Variants in MACROD2 observed in about 807,000 individuals in gnomAD.
The protein encoded by MACROD2 is mono-ADP ribosylhydrolase 2.
MACROD2 carries 36 observed loss-of-function variants against 70.4 expected under a neutral mutation model. The observed-to-expected ratio is 0.51, with a 90% CI of 0.39 to 0.68. The LOEUF (loss-of-function observed/expected upper bound fraction) is 0.68, where lower values mean the gene tolerates loss of function less well. Ranked by LOEUF, MACROD2 falls within the 30% of genes least tolerant of loss-of-function variation. MACROD2 has a pLI of 0.00. For synonymous variants in MACROD2, 172 were observed against 178.8 expected (o/e 0.96, Z 0.30); for missense variants, 496 against 538.4 (o/e 0.92, Z 0.78).
chr20:14,432,765 A>G (rs1403206347), intron 3 of MACROD2, among the ~76,000 whole-genome samples: 1 of 152,046 alleles, frequency 6.6e-6, no homozygotes, highest in Admixed American at 6.6e-5. Context: ...AATTTCTGGA[A>G]TATTTCTGCA....
intron 5 of MACROD2, among the ~76,000 whole-genome samples, chr20:15,163,746 A>G (rs2076364042): frequency 6.6e-6 from 1 of 151,908 alleles, no homozygotes; most frequent in African/African-American, 2.4e-5. Context: ...AAGACAATGT[A>G]TGACAGAAAC....
chr20:15,107,364 TG>T (rs780922735), intron 5 of MACROD2, among the ~76,000 whole-genome samples: 8 of 151,542 alleles, frequency 5.3e-5, no homozygotes, highest in Non-Finnish European at 1.0e-4. Context: ...AATTAATAGT[TG>T]AAAAAAAAAA....
intron 5 of MACROD2, among the ~76,000 whole-genome samples, chr20:14,928,227 CA>C (rs1949772639): frequency 8.0e-6 from 1 of 124,862 alleles, no homozygotes; most frequent in African/African-American, 3.3e-5. Flanking sequence ...GGCTGCATGC[CA>C]ATGTCAGTGT....
In MACROD2 at chr20:15,363,566, T is replaced by A. The variant is rs546530191; in HGVS notation, c.541-67839T>A. Among the ~76,000 whole-genome samples, 9 of 152,274 alleles carry A rather than the reference T, an allele frequency of 5.9e-5. No individual in the cohort carries two copies. The East Asian group carries it at 1.7e-3, about 29-fold the overall frequency. On this transcript the variant is annotated intron_variant, in intron 6 of 17. Coordinates refer to ENST00000684519, the MANE Select transcript of MACROD2 (RefSeq NM_001351661.2). ...ATAAGACAGTGCCCACTGAGATTGATCAGGAAAGCCAGCTGCACTGTGCAT... is the reference window on the plus strand; with the variant it reads ...ATAAGACAGTGCCCACTGAGATTGAACAGGAAAGCCAGCTGCACTGTGCAT...
chr20:15,823,870 A>G (rs774175981), intron 8 of MACROD2, among the ~76,000 whole-genome samples: 2 of 152,218 alleles, frequency 1.3e-5, no homozygotes, highest in Admixed American at 6.5e-5. Flanking sequence ...TAGTGAAATT[A>G]CACTGGCCAT....
chr20:15,258,861 A>G (rs1204470653), intron 6 of MACROD2, among the ~76,000 whole-genome samples: 1 of 152,092 alleles, frequency 6.6e-6, no homozygotes, highest in Non-Finnish European at 1.5e-5. Context: ...GCAGAGCTAG[A>G]TATTCATAGG....
chr20:15,574,459 T>C lies in MACROD2; in HGVS notation c.645+74612T>C, dbSNP rs185771707. 4.6e-4 allele frequency among the ~76,000 whole-genome samples: 70 copies of C among 152,278 alleles called. 1 individual carries two copies. Among genetic ancestry groups the C allele is most frequent in the African/African-American group, 1.6e-3 (65 of 41,550 alleles). ...ATTTTACCTGAATTTGAAGATTAAA[T>C]TTCTTAATATTTATATGAAGAATGT... On this transcript the variant is annotated intron_variant, in intron 8 of 17. Coordinates refer to ENST00000684519, the MANE Select transcript of MACROD2 (RefSeq NM_001351661.2).
At chr20:15,822,505 T>G (rs2063950003) in intron 8 of MACROD2, among the ~76,000 whole-genome samples, 1 of 152,204 alleles carries the variant, frequency 6.6e-6, no homozygotes, top group South Asian at 2.1e-4. Flanking sequence ...GGAATGAAAC[T>G]GAAAGTTATT....
At chr20:15,862,621 G>A (rs2064439865) in intron 8 of MACROD2, 124 bp from the exon 9 acceptor site, 2 of 679,236 alleles carry the variant, frequency 2.9e-6, no homozygotes, top group South Asian at 3.5e-5. Flanking sequence ...CTATGATGTA[G>A]ATAGCAGTAT....
At chr20:15,489,458 T>TA (rs1269837502) in intron 7 of MACROD2, among the ~76,000 whole-genome samples, 1 of 152,210 alleles carries the variant, frequency 6.6e-6, no homozygotes, top group Non-Finnish European at 1.5e-5. Context: ...TGATGGTACC[T>TA]AAATGTTCAA....
intron 10 of MACROD2, among the ~76,000 whole-genome samples, chr20:15,926,805 G>A (rs544462196): frequency 6.6e-6 from 1 of 152,322 alleles, no homozygotes; most frequent in South Asian, 2.1e-4. Flanking sequence ...AGGAGAGAAT[G>A]AATGAAGACA....
rs552935312 is a variant in MACROD2, at chr20:15,909,015, T to C, written c.775+23204T>C. Among the ~76,000 whole-genome samples the C allele has an allele frequency of 2.6e-5, 4 of 152,238 alleles. No homozygotes were observed. In the South Asian group the frequency reaches 8.3e-4, roughly 31 times the overall value. ...TATTTTGCTCACACATCTGCAAGCT[T>C]GGCAGGGCTCGACAGGGATAGTTGT... On this transcript the variant is annotated intron_variant, in intron 10 of 17. Transcript: ENST00000684519.
At chr20:14,503,874 A>G (rs1181669359) in intron 4 of MACROD2, among the ~76,000 whole-genome samples, 1 of 152,222 alleles carries the variant, frequency 6.6e-6, no homozygotes. Flanking sequence ...GCATGATTGG[A>G]AAAAGCATAA....
At chr20:14,742,754 C>CTTTAT (rs1274443226) in intron 5 of MACROD2, among the ~76,000 whole-genome samples, 6 of 150,300 alleles carry the variant, frequency 4.0e-5, no homozygotes, top group Admixed American at 3.4e-4. Flanking sequence ...GTAATATAAA[C>CTTTAT]TTTATTTTAT....
intron 2 of MACROD2, among the ~76,000 whole-genome samples, chr20:14,036,931 T>G (rs1371778172): frequency 6.6e-6 from 1 of 152,238 alleles, no homozygotes; most frequent in South Asian, 2.1e-4. Flanking sequence ...AGTTTTTAAT[T>G]TACTAATCCA....
intron 3 of MACROD2, among the ~76,000 whole-genome samples, chr20:14,473,563 G>A (rs1262936352): frequency 6.6e-6 from 1 of 151,978 alleles, no homozygotes; most frequent in Admixed American, 6.6e-5. Context: ...TAGACACTTA[G>A]GTTGATTCTC....
At chr20:15,408,775 C>T (rs2046038394) in intron 6 of MACROD2, among the ~76,000 whole-genome samples, 1 of 152,062 alleles carries the variant, frequency 6.6e-6, no homozygotes, top group African/African-American at 2.4e-5. Flanking sequence ...AATATTTGTC[C>T]GAAAGTCATG....
chr20:14,736,823 T>C (rs2071670851), intron 5 of MACROD2, among the ~76,000 whole-genome samples: 1 of 152,170 alleles, frequency 6.6e-6, no homozygotes, highest in Non-Finnish European at 1.5e-5. Flanking sequence ...AAGCCAAAGC[T>C]CTTACCCAGT....
intron 3 of MACROD2, among the ~76,000 whole-genome samples, chr20:14,475,543 T>C (rs2084583079): frequency 6.6e-6 from 1 of 152,104 alleles, no homozygotes; most frequent in Non-Finnish European, 1.5e-5. Context: ...CATCCTTTTC[T>C]TTCAGTTTGA....
Sources: allele counts gnomAD v4.1 joint callset (sites outside exome capture counted in the v4.1 genomes callset), GRCh38; gene constraint gnomAD v4.1.1; transcripts MANE v1.5; gene names NCBI Gene and HGNC (gene_info 2026-07-23, HGNC 2026-07-21).